The following NDUFS3 variants were observed in gnomAD, a reference collection of about 807,000 sequenced individuals.
NDUFS3 encodes NADH:ubiquinone oxidoreductase core subunit S3, also known as NADH dehydrogenase [ubiquinone] iron-sulfur protein 3, mitochondrial.
NDUFS3 carries 19 observed loss-of-function variants against 30.8 expected under a neutral mutation model. The ratio of observed to expected loss-of-function variants is 0.62; its 90% CI spans 0.43 to 0.91. NDUFS3 has a LOEUF of 0.91. NDUFS3 is among the 40% of genes least tolerant of loss of function. The pLI, the probability that NDUFS3 is intolerant of heterozygous loss-of-function variation, is 0.00. For synonymous variants in NDUFS3, 153 were observed against 135.8 expected (o/e 1.13, Z -0.88); for missense variants, 331 against 342.0 (o/e 0.97, Z 0.25).
chr11:47,580,252 T>C (rs189461256), intron 2 of NDUFS3, among the ~76,000 whole-genome samples: 24 of 152,310 alleles, frequency 1.6e-4, no homozygotes, highest in African/African-American at 5.8e-4. Flanking sequence ...ATGCAGGCAA[T>C]GTGAGGGAAG....
Position 47,579,129 on chromosome 11 carries a change from G to C in NDUFS3, c.38G>C (p.Gly13Ala). The C allele has an allele frequency of 6.3e-7, 1 of 1,596,398 alleles. No homozygotes were observed. The highest frequency in any genetic ancestry group is 1.1e-5 in the South Asian group (1 of 89,626). ...GCGGTAGCCAGGCTGTGGTGGCGCG[G>C]GATCTTGGGGGCCTCGGCGCTGACC... ...AAAVARLWWRGILGASALTRG... is the reference protein window; with the variant it reads ...AAAVARLWWRAILGASALTRG... The change falls in exon 1 of 7, where the codon GGG (glycine) becomes GCG (alanine). Residue 13 changes from glycine (G) to alanine (A), a missense_variant. Coordinates refer to ENST00000263774, the MANE Select transcript of NDUFS3 (RefSeq NM_004551.3).
chr11:47,583,270 C>T lies in NDUFS3; in HGVS notation c.627+802C>T, dbSNP rs1046847862. On this transcript the variant is annotated intron_variant, in intron 6 of 6. Transcript: ENST00000263774. ...TTCTCCATGTTGCCCAAACTGGTCT[C>T]GAATTCCTGGGCTCAAGTCATCTGC... Among the ~76,000 whole-genome samples the T allele has an allele frequency of 3.9e-5, 6 of 152,018 alleles. No homozygotes were observed. In the East Asian group the frequency reaches 7.7e-4, roughly 20 times the overall value.
At chr11:47,581,982 G>C in intron 4 of NDUFS3, 106 bp from the exon 5 acceptor site, 1 of 1,461,280 alleles carries the variant, frequency 6.8e-7, no homozygotes, top group South Asian at 1.1e-5. Flanking sequence ...AAGCATAGGA[G>C]AATCTTGAGG....
chr11:47,582,934 T>C (rs1178454638), intron 6 of NDUFS3, among the ~76,000 whole-genome samples: 1 of 151,772 alleles, frequency 6.6e-6, no homozygotes, highest in East Asian at 1.9e-4. Context: ...AAGGCGGAGG[T>C]TGCAGTGAGC....
At position 47,579,385 on chromosome 11, in the gene NDUFS3, A is replaced by G. The variant is rs1273541144; in HGVS notation, c.133+51A>G. The G allele has an allele frequency of 1.9e-6, 3 of 1,607,472 alleles. No individual in the cohort carries two copies. The South Asian group carries it at 3.3e-5, about 18-fold the overall frequency. On this transcript the variant is annotated intron_variant, in intron 2 of 6. Coordinates refer to ENST00000263774, the MANE Select transcript of NDUFS3 (RefSeq NM_004551.3). ...CTCTGAACTATCGGCGGGGCCCCTT[A>G]GATGCCTGTCCTTGCCCTAGGATGC...
intron 6 of NDUFS3, 96 bp downstream of exon 6, chr11:47,582,564 G>A: frequency 1.9e-6 from 3 of 1,592,922 alleles, no homozygotes; most frequent in Non-Finnish European, 2.6e-6. Flanking sequence ...TCTGTGGATT[G>A]TGGTGGTTTA....
chr11:47,581,364 C>A, intron 4 of NDUFS3: 1 of 299,874 alleles, frequency 3.3e-6, no homozygotes, highest in Non-Finnish European at 6.5e-6. Context: ...ACCATGTTGG[C>A]CAGGATGGTC....
chr11:47,583,191 C>G (rs968137166), intron 6 of NDUFS3, among the ~76,000 whole-genome samples: 1 of 151,960 alleles, frequency 6.6e-6, no homozygotes, highest in Non-Finnish European at 1.5e-5. Flanking sequence ...GCTGGGACTA[C>G]AGGCATGCAC....
Position 47,580,631 on chromosome 11 carries a change from T to TA in NDUFS3, c.231+10dup. On this transcript the variant is annotated intron_variant, in intron 3 of 6. Transcript: ENST00000263774. ...ATGTCCAACAAGTTCAGGTAATACT[T>TA]ACTAATGTTATTTGGGTCTGGGTCA... 6.2e-7 allele frequency: 1 copy of TA among 1,613,302 alleles called. No homozygotes were observed. Among genetic ancestry groups the TA allele is most frequent in the Non-Finnish European group, 8.5e-7 (1 of 1,179,196 alleles).
Position 47,580,838 on chromosome 11 carries a change from T to C in NDUFS3, c.235T>C (p.Ser79Pro), listed in dbSNP as rs756805200. ...CCCCTCACTTTCATGTGTGCAGGTG[T>C]CCTGCTTCAATGAGTTAGAGGTCTG... is the stretch of plus-strand genomic sequence containing the variant. ...LPKYVQQVQV[S>P]CFNELEVCIH... is the part of the protein sequence containing the mutation. The change falls in exon 4 of 7, where the codon TCC becomes CCC. Residue 79 changes from serine to proline, a missense_variant. By Grantham distance (74) the Ser-to-Pro change is moderately conservative. Coordinates refer to ENST00000263774, the MANE Select transcript of NDUFS3 (RefSeq NM_004551.3). 6 of 1,614,186 alleles carry C rather than the reference T, an allele frequency of 3.7e-6. No homozygotes were observed. Among genetic ancestry groups the C allele is most frequent in the Non-Finnish European group, 4.2e-6 (5 of 1,180,038 alleles).
intron 2 of NDUFS3, 47 bp downstream of exon 2, chr11:47,579,381 C>T: frequency 6.2e-7 from 1 of 1,608,070 alleles, no homozygotes; most frequent in Non-Finnish European, 8.5e-7. Context: ...CGGCGGGGCC[C>T]CTTAGATGCC....
In NDUFS3 at chr11:47,582,071, C is replaced by A; in HGVS notation, c.382-17C>A. ...GGACTCCCATCTCAGCCCTCCAGAT[C>A]CTTCTGTTCTCCCTAGATTGTCTAC... is the stretch of plus-strand genomic sequence containing the variant. On this transcript the variant is annotated splice_polypyrimidine_tract_variant and intron_variant, in intron 4 of 6. Transcript: ENST00000263774. 1.2e-6 allele frequency: 2 copies of A among 1,613,350 alleles called. No individual in the cohort carries two copies. The highest frequency in any genetic ancestry group is 1.1e-5 in the South Asian group (1 of 91,034).
intron 6 of NDUFS3, 57 bp downstream of exon 6, chr11:47,582,525 G>C: frequency 6.2e-7 from 1 of 1,612,240 alleles, no homozygotes; most frequent in South Asian, 1.1e-5. Flanking sequence ...GAGAACCCAG[G>C]GGATCCCTGG....
intron 4 of NDUFS3, 53 bp from the exon 5 acceptor site, chr11:47,582,035 C>G: frequency 6.2e-7 from 1 of 1,607,468 alleles, no homozygotes. Context: ...GGGCAGAACT[C>G]TCCCAATCAG....
chr11:47,584,287 G>A (rs757782839), intron 6 of NDUFS3, 27 bp from the exon 7 acceptor site: 2 of 1,613,806 alleles, frequency 1.2e-6, no homozygotes, highest in Non-Finnish European at 1.7e-6. Flanking sequence ...CTTCCTTAGT[G>A]CTCAAGCCTG....
At chr11:47,583,492 T>C (rs2097269726) in intron 6 of NDUFS3, among the ~76,000 whole-genome samples, 1 of 152,196 alleles carries the variant, frequency 6.6e-6, no homozygotes, top group African/African-American at 2.4e-5. Context: ...AGACACCAGA[T>C]GCTTAGCCCT....
chr11:47,582,014 G>A, intron 4 of NDUFS3, 74 bp from the exon 5 acceptor site: 1 of 1,580,574 alleles, frequency 6.3e-7, no homozygotes, highest in South Asian at 1.1e-5. Context: ...AGAATAGAAG[G>A]CAGGGTCACA....
At chr11:47,579,722 T>C (rs1176855499) in intron 2 of NDUFS3, 1 of 363,320 alleles carries the variant, frequency 2.8e-6, no homozygotes, top group African/African-American at 2.1e-5. Flanking sequence ...ATGGGGTAGA[T>C]AGCATCTTAC....
intron 2 of NDUFS3, among the ~76,000 whole-genome samples, chr11:47,580,018 CACACACACACA>C (rs2097267430): frequency 8.0e-6 from 1 of 125,046 alleles, no homozygotes; most frequent in Non-Finnish European, 1.6e-5. Context: ...CACACACACA[CACACACACACA>C]CCTGGGCCTC....
Sources: allele counts gnomAD v4.1 joint callset (sites outside exome capture counted in the v4.1 genomes callset), GRCh38; gene constraint gnomAD v4.1.1; transcripts MANE v1.5; gene names NCBI Gene and HGNC (gene_info 2026-07-23, HGNC 2026-07-21).